Variants in SYT1 observed in about 807,000 individuals in gnomAD.
SYT1 encodes the protein synaptotagmin 1, also known as synaptotagmin-1.
Under a neutral mutation model 44.8 loss-of-function variants are expected in SYT1, and 8 were observed. That is an observed-to-expected ratio of 0.18 (90% CI 0.10 to 0.32). The LOEUF is 0.32. SYT1 is among the 10% of genes least tolerant of loss of function. The pLI is 1.00. For synonymous variants in SYT1, 154 were observed against 188.8 expected (o/e 0.82, Z 1.51); for missense variants, 286 against 509.3 (o/e 0.56, Z 4.22).
At chr12:79,040,645 A>G (rs1392972139) in intron 2 of SYT1, among the ~76,000 whole-genome samples, 8 of 151,936 alleles carry the variant, frequency 5.3e-5, no homozygotes, top group South Asian at 2.1e-4. Context: ...CCATTTGTCA[A>G]TTTTGTCTTT....
intron 3 of SYT1, among the ~76,000 whole-genome samples, chr12:79,153,028 A>G (rs1870373900): frequency 6.6e-6 from 1 of 152,016 alleles, no homozygotes; most frequent in South Asian, 2.1e-4. Flanking sequence ...GGTAAGCTAC[A>G]TTAATCTTGA....
intron 3 of SYT1, among the ~76,000 whole-genome samples, chr12:79,104,151 G>A (rs1234634918): frequency 6.7e-6 from 1 of 148,232 alleles, no homozygotes; most frequent in East Asian, 2.0e-4. Flanking sequence ...ATTCAATGGA[G>A]TCAATTTTTT....
chr12:79,402,606 T>A (rs1885110658), intron 9 of SYT1, among the ~76,000 whole-genome samples: 1 of 151,958 alleles, frequency 6.6e-6, no homozygotes, highest in South Asian at 2.1e-4. Context: ...GGAAAAAAAC[T>A]GCAACAAAAG....
At chr12:79,149,146 A>T (rs1229352753) in intron 3 of SYT1, among the ~76,000 whole-genome samples, 1 of 151,890 alleles carries the variant, frequency 6.6e-6, no homozygotes, top group African/African-American at 2.4e-5. Flanking sequence ...TTATTTTTTT[A>T]CTTTATTTGA....
At chr12:78,870,338 C>T (rs1873754249) in intron 1 of SYT1, among the ~76,000 whole-genome samples, 1 of 151,966 alleles carries the variant, frequency 6.6e-6, no homozygotes, top group Non-Finnish European at 1.5e-5. Flanking sequence ...CATATCTTAC[C>T]TCAAAGAACC....
chr12:79,334,334 A>G (rs765144087), intron 8 of SYT1, among the ~76,000 whole-genome samples: 4 of 152,176 alleles, frequency 2.6e-5, no homozygotes, highest in Non-Finnish European at 5.9e-5. Flanking sequence ...AACCCAGGAC[A>G]TATTTAATGA....
chr12:79,097,841 G>T (rs909422115), intron 3 of SYT1, among the ~76,000 whole-genome samples: 1 of 151,992 alleles, frequency 6.6e-6, no homozygotes, highest in Admixed American at 6.6e-5. Flanking sequence ...AAGCAACACT[G>T]CTTGTTCCTA....
At chr12:79,181,362 G>C (rs1178368710) in intron 3 of SYT1, among the ~76,000 whole-genome samples, 1 of 151,900 alleles carries the variant, frequency 6.6e-6, no homozygotes, top group African/African-American at 2.4e-5. Flanking sequence ...GAAATCTTAG[G>C]GATTTACTTT....
At chr12:79,121,128 C>T (rs943740717) in intron 3 of SYT1, among the ~76,000 whole-genome samples, 5 of 151,858 alleles carry the variant, frequency 3.3e-5, no homozygotes, top group African/African-American at 7.3e-5. Context: ...TGTTTGTCTT[C>T]CTTCAGATTA....
intron 3 of SYT1, among the ~76,000 whole-genome samples, chr12:79,112,818 A>G (rs1879086170): frequency 6.6e-6 from 1 of 152,140 alleles, no homozygotes; most frequent in Non-Finnish European, 1.5e-5. Flanking sequence ...TCTTAGAACT[A>G]CATTCCCTTT....
intron 3 of SYT1, among the ~76,000 whole-genome samples, chr12:79,103,315 T>G (rs1044659244): frequency 1.3e-5 from 2 of 152,144 alleles, no homozygotes; most frequent in Non-Finnish European, 2.9e-5. Context: ...ATCTTTGGGC[T>G]TTGCATAGAC....
At chr12:78,901,403 G>A (rs2137098525) in intron 1 of SYT1, among the ~76,000 whole-genome samples, 1 of 152,128 alleles carries the variant, frequency 6.6e-6, no homozygotes, top group East Asian at 1.9e-4. Context: ...ATGAATGTCT[G>A]CCAAACACAC....
At chr12:79,426,589 C>T (rs563371710) in intron 9 of SYT1, among the ~76,000 whole-genome samples, 1 of 152,206 alleles carries the variant, frequency 6.6e-6, no homozygotes, top group African/African-American at 2.4e-5. Context: ...CCCCATGTGT[C>T]TTGCAATATT....
chr12:79,215,918 C>CTTTT (rs71091653), intron 3 of SYT1, among the ~76,000 whole-genome samples: 1,487 of 76,868 alleles, frequency 0.019, 12 homozygotes, highest in East Asian at 0.036. Flanking sequence ...GCATTTCTTT[C>CTTTT]TTTTTTTTTT....
intron 2 of SYT1, among the ~76,000 whole-genome samples, chr12:79,006,325 C>T (rs371493010): frequency 6.6e-6 from 1 of 152,046 alleles, no homozygotes; most frequent in South Asian, 2.1e-4. Context: ...GATCAAGTGA[C>T]TCCTGTATGG....
intron 4 of SYT1, among the ~76,000 whole-genome samples, chr12:79,236,308 AC>A (rs1876187488): frequency 6.6e-6 from 1 of 152,134 alleles, no homozygotes; most frequent in African/African-American, 2.4e-5. Flanking sequence ...CTATAGTTTA[AC>A]CCCAACCTAC....
intron 3 of SYT1, among the ~76,000 whole-genome samples, chr12:79,191,903 G>A (rs767658136): frequency 1.3e-4 from 20 of 152,018 alleles, no homozygotes; most frequent in South Asian, 4.2e-4. Flanking sequence ...AGCCATAACC[G>A]TGCAGAAGAA....
intron 2 of SYT1, among the ~76,000 whole-genome samples, chr12:79,028,064 G>A (rs1028582557): frequency 1.3e-5 from 2 of 151,636 alleles, no homozygotes; most frequent in African/African-American, 2.4e-5. Flanking sequence ...AAATCCATAA[G>A]ATGAGATTAT....
intron 5 of SYT1, chr12:79,291,807 G>C: frequency 1.4e-6 from 1 of 708,090 alleles, no homozygotes; most frequent in Non-Finnish European, 2.5e-6. Flanking sequence ...CATTTTGCTT[G>C]CTGATTGGGG....
Sources: gnomAD v4.1 joint callset for allele counts (sites outside exome capture counted in the v4.1 genomes callset) on GRCh38, gnomAD v4.1.1 for gene constraint, MANE v1.5 for transcripts, NCBI Gene and HGNC (gene_info 2026-07-23, HGNC 2026-07-21) for gene names.